Variants in ZNF831 observed in about 807,000 individuals in gnomAD.
ZNF831 encodes chromosome 20 open reading frame 174.
In ZNF831, 59 loss-of-function variants were observed where a neutral mutation model predicts 95.8. The ratio of observed to expected loss-of-function variants is 0.62; its 90% CI spans 0.50 to 0.77. ZNF831 has a LOEUF of 0.77. Ranked by LOEUF, ZNF831 falls within the 30% of genes least tolerant of loss-of-function variation. ZNF831 has a pLI of 0.00. For missense variants in ZNF831, 2,205 were observed against 2,164.0 expected, an observed-to-expected ratio of 1.02 and a Z score of -0.38; for synonymous variants, 961 against 925.5, an observed-to-expected ratio of 1.04 and a Z score of -0.70.
chr20:59,252,923 C>T, intron 4 of ZNF831, 55 bp from the exon 5 acceptor site: 1 of 1,563,478 alleles, frequency 6.4e-7, no homozygotes, highest in Non-Finnish European at 8.7e-7. Context: ...CAGGAAATTA[C>T]TCTTTGCTAA....
intron 4 of ZNF831, among the ~76,000 whole-genome samples, chr20:59,226,948 G>C (rs936425594): frequency 6.6e-6 from 1 of 152,030 alleles, no homozygotes; most frequent in African/African-American, 2.4e-5. Flanking sequence ...CTGACATTAG[G>C]ACAGTCACTT....
intron 4 of ZNF831, among the ~76,000 whole-genome samples, chr20:59,248,459 G>A (rs1463872779): frequency 6.6e-6 from 1 of 152,184 alleles, no homozygotes. Context: ...ACTTTTCTCT[G>A]TAGACTGCAG....
At chr20:59,174,379 T>C (rs1318472422) in intron 1 of ZNF831, among the ~76,000 whole-genome samples, 2 of 152,236 alleles carry the variant, frequency 1.3e-5, no homozygotes, top group Admixed American at 6.5e-5. Context: ...TTACATTTTA[T>C]ATATATGGAA....
intron 4 of ZNF831, among the ~76,000 whole-genome samples, chr20:59,219,532 G>T (rs1405594759): frequency 6.6e-6 from 1 of 152,186 alleles, no homozygotes; most frequent in Non-Finnish European, 1.5e-5. Flanking sequence ...CTGGAGCGGA[G>T]AGGGGAGAGT....
chr20:59,128,907 G>A (rs951436027), intron 1 of ZNF831, among the ~76,000 whole-genome samples: 5 of 152,058 alleles, frequency 3.3e-5, no homozygotes, highest in Admixed American at 2.0e-4. Flanking sequence ...TATTATAGGC[G>A]CCCGCCACCA....
intron 2 of ZNF831, among the ~76,000 whole-genome samples, chr20:59,147,522 CTTTG>C (rs1312096567): frequency 1.3e-5 from 2 of 152,180 alleles, no homozygotes; most frequent in Non-Finnish European, 2.9e-5. Context: ...AATTGTTATA[CTTTG>C]TTTTTTAAAA....
At chr20:59,247,041 A>G (rs993182219) in intron 4 of ZNF831, among the ~76,000 whole-genome samples, 2 of 152,204 alleles carry the variant, frequency 1.3e-5, no homozygotes, top group African/African-American at 4.8e-5. Flanking sequence ...GGCTTCATAA[A>G]CAAAAAATGT....
intron 4 of ZNF831, among the ~76,000 whole-genome samples, chr20:59,215,703 C>A (rs542201710): frequency 6.6e-6 from 1 of 152,330 alleles, no homozygotes; most frequent in African/African-American, 2.4e-5. Flanking sequence ...ACCTTCAGAA[C>A]TTTTGTTGCA....
At chr20:59,183,749 A>C (rs1367405504) in intron 1 of ZNF831, among the ~76,000 whole-genome samples, 1 of 152,178 alleles carries the variant, frequency 6.6e-6, no homozygotes, top group African/African-American at 2.4e-5. Flanking sequence ...AATTTTTAAG[A>C]GTAGTTTTAG....
intron 1 of ZNF831, among the ~76,000 whole-genome samples, chr20:59,125,789 C>T (rs1979154644): frequency 6.6e-6 from 1 of 152,196 alleles, no homozygotes; most frequent in South Asian, 2.1e-4. Context: ...TTGGGTACCA[C>T]ATCGATTTTA....
At chr20:59,194,820 T>G in intron 2 of ZNF831, 63 bp downstream of exon 2, 1 of 1,478,392 alleles carries the variant, frequency 6.8e-7, no homozygotes, top group Non-Finnish European at 9.0e-7. Flanking sequence ...CCGTAAGACC[T>G]CTCATGAGGG....
chr20:59,136,260 G>C (rs1024151758), intron 1 of ZNF831, among the ~76,000 whole-genome samples: 8 of 152,018 alleles, frequency 5.3e-5, no homozygotes, highest in Admixed American at 2.6e-4. Flanking sequence ...CTGCTTCATT[G>C]CCCTGCCTTT....
At chr20:59,206,227 A>G (rs574040139) in intron 3 of ZNF831, among the ~76,000 whole-genome samples, 20 of 152,250 alleles carry the variant, frequency 1.3e-4, no homozygotes, top group African/African-American at 4.6e-4. Context: ...ATATAAATAG[A>G]AGCTCTAGTG....
At chr20:59,222,850 G>GT in intron 4 of ZNF831, among the ~76,000 whole-genome samples, 1 of 152,330 alleles carries the variant, frequency 6.6e-6, no homozygotes, top group South Asian at 2.1e-4. Flanking sequence ...TTTATTTTAT[G>GT]TTCGTAGGGG....
intron 1 of ZNF831, among the ~76,000 whole-genome samples, chr20:59,175,973 C>G (rs976453214): frequency 3.9e-5 from 6 of 152,222 alleles, no homozygotes; most frequent in African/African-American, 1.4e-4. Flanking sequence ...ATTGGGAAGG[C>G]CCTGTTACCT....
chr20:59,200,768 C>T lies in ZNF831; in HGVS notation c.3875+4763C>T, dbSNP rs78943675. Among the ~76,000 whole-genome samples, 784 of 151,940 alleles carry T rather than the reference C, an allele frequency of 5.2e-3. 6 individuals are homozygous for T. Among genetic ancestry groups the T allele is most frequent in the African/African-American group, 0.018 (752 of 41,426 alleles). On this transcript the variant is annotated intron_variant, in intron 3 of 5. Transcript: ENST00000371030. ...TTTTTTTTGCCTGGCTTTATTCACT[C>T]AGTATTACTATTTTGAGGTTCATCC...
intron 4 of ZNF831, among the ~76,000 whole-genome samples, chr20:59,226,640 C>T (rs1986449998): frequency 6.6e-6 from 1 of 150,820 alleles, no homozygotes; most frequent in African/African-American, 2.4e-5. Flanking sequence ...CAAATTTCTA[C>T]TGTAGTTTAT....
Position 59,192,364 on chromosome 20 carries a change from A to G in ZNF831, c.1345A>G (p.Lys449Glu). 6.2e-7 allele frequency: 1 copy of G among 1,611,562 alleles called. No homozygotes were observed. Among genetic ancestry groups the G allele is most frequent in the Non-Finnish European group, 8.5e-7 (1 of 1,179,268 alleles). ...SIDLPTPYTY[K>E]DSFHFDIRAL... Reference sequence around the variant, plus strand: ...CGACCTGCCCACGCCCTACACCTACAAGGACTCCTTCCACTTTGACATCCG... The same window carrying G: ...CGACCTGCCCACGCCCTACACCTACGAGGACTCCTTCCACTTTGACATCCG... Residue 449 changes from lysine (K) to glutamate (E), a missense_variant, in exon 2 of 6, where the codon AAG becomes GAG. Coordinates refer to ENST00000371030, the MANE Select transcript of ZNF831 (RefSeq NM_178457.3). This position sits in a 1 kb window ranked among gnomAD's most constrained non-coding sequence, Gnocchi z 5.2.
chr20:59,145,203 A>G (rs992469823), intron 1 of ZNF831, among the ~76,000 whole-genome samples: 1 of 152,168 alleles, frequency 6.6e-6, no homozygotes, highest in East Asian at 1.9e-4. Flanking sequence ...CCCTTTCCCC[A>G]CATGTATCCT....
Sources: gnomAD v4.1 joint callset for allele counts (sites outside exome capture counted in the v4.1 genomes callset) on GRCh38, gnomAD v4.1.1 for gene constraint, Gnocchi (gnomAD v3.1) non-coding constraint, MANE v1.5 for transcripts, NCBI Gene and HGNC (gene_info 2026-07-23, HGNC 2026-07-21) for gene names.